PLCE1: variants seen among roughly 807,000 people sequenced by gnomAD.
The protein encoded by PLCE1 is 1-phosphatidylinositol 4,5-bisphosphate phosphodiesterase epsilon-1.
PLCE1 carries 119 observed loss-of-function variants against 242.8 expected under a neutral mutation model. The ratio of observed to expected loss-of-function variants is 0.49; its 90% confidence interval spans 0.42 to 0.57. The LOEUF is 0.57. Among genes scored for constraint, PLCE1 ranks in the 20% least tolerant of loss-of-function variants. The pLI is 0.00. For missense variants in PLCE1, 2,441 were observed against 2,788.8 expected, an observed-to-expected ratio of 0.88 and a Z score of 2.81; for synonymous variants, 945 against 1,017.4, an observed-to-expected ratio of 0.93 and a Z score of 1.35.
intron 2 of PLCE1, among the ~76,000 whole-genome samples, chr10:94,082,494 G>C (rs755652042): frequency 2.6e-5 from 4 of 152,192 alleles, no homozygotes; most frequent in Admixed American, 2.6e-4. Flanking sequence ...CAATCACAGG[G>C]ACAGCGCTTA....
intron 2 of PLCE1, among the ~76,000 whole-genome samples, chr10:94,114,339 G>A (rs1201642939): frequency 6.6e-6 from 1 of 152,166 alleles, no homozygotes; most frequent in Non-Finnish European, 1.5e-5. Context: ...GACAGTAATT[G>A]TGCAGGGGCA....
At chr10:94,111,824 A>C (rs1278292970) in intron 2 of PLCE1, among the ~76,000 whole-genome samples, 1 of 152,202 alleles carries the variant, frequency 6.6e-6, no homozygotes, top group East Asian at 1.9e-4. Flanking sequence ...GGCATTTTAT[A>C]GTGCTTGAAT....
chr10:94,086,027 G>C (rs1036575883), intron 2 of PLCE1, among the ~76,000 whole-genome samples: 1 of 152,196 alleles, frequency 6.6e-6, no homozygotes, highest in East Asian at 1.9e-4. Flanking sequence ...TACAATGCCA[G>C]ATCCTGGGGG....
Position 94,031,295 on chromosome 10 carries a change from T to A in PLCE1, c.249T>A (p.Asp83Glu), listed in dbSNP as rs375835173. The change falls in exon 2 of 33, where the codon GAT (aspartate) becomes GAA (glutamate). Residue 83 changes from aspartate (D) to glutamate (E), a missense_variant. Physicochemically the swap from Asp to Glu is conservative, Grantham distance 45. Around this residue, in one of 5 missense-constraint regions of PLCE1, gnomAD observed 393 missense variants for 378.5 expected, o/e 1.04. Coordinates refer to ENST00000371380, the MANE Select transcript of PLCE1 (RefSeq NM_016341.4). ...TAGCGAGGGAGAAAATAGTGAGTGA[T>A]GAGAACAGTAATGAAAAATGTTGGG... The part of the protein sequence containing the change: ...LSIAREKIVS[D>E]ENSNEKCWEK... 2 of 1,613,724 alleles carry A rather than the reference T, an allele frequency of 1.2e-6. No individual in the cohort carries two copies. Among genetic ancestry groups the A allele is most frequent in the East Asian group, 4.5e-5 (2 of 44,880 alleles).
At chr10:94,125,541 T>A (rs2046414165) in intron 2 of PLCE1, among the ~76,000 whole-genome samples, 1 of 152,116 alleles carries the variant, frequency 6.6e-6, no homozygotes, top group South Asian at 2.1e-4. Flanking sequence ...TACAGACACC[T>A]AGCGCCTTAT....
At chr10:94,103,144 C>T (rs1365828857) in intron 2 of PLCE1, among the ~76,000 whole-genome samples, 1 of 152,194 alleles carries the variant, frequency 6.6e-6, no homozygotes, top group Non-Finnish European at 1.5e-5. Flanking sequence ...GTTTATTAGG[C>T]GCTGACTGTC....
chr10:94,197,871 T>C (rs1269167704), intron 4 of PLCE1, among the ~76,000 whole-genome samples: 1 of 148,520 alleles, frequency 6.7e-6, no homozygotes, highest in African/African-American at 2.5e-5. Flanking sequence ...TCATTCCAGC[T>C]ACGTGGGAGG....
chr10:94,210,232 C>T (rs1589353193), intron 4 of PLCE1, among the ~76,000 whole-genome samples: 1 of 151,122 alleles, frequency 6.6e-6, no homozygotes, highest in Non-Finnish European at 1.5e-5. Flanking sequence ...GTAAGCACTT[C>T]CCAAGTAAAT....
At chr10:94,074,609 G>A (rs769609316) in intron 2 of PLCE1, among the ~76,000 whole-genome samples, 82 of 152,246 alleles carry the variant, frequency 5.4e-4, no homozygotes, top group Middle Eastern at 6.8e-3. Flanking sequence ...ACTGCTTTAT[G>A]AGTATCTTTA....
chr10:94,184,501 T>C (rs908235702), intron 4 of PLCE1, among the ~76,000 whole-genome samples: 1 of 152,146 alleles, frequency 6.6e-6, no homozygotes, highest in Admixed American at 6.5e-5. Flanking sequence ...AGCTAATTTT[T>C]GTATTTTTCG....
chr10:93,998,361 G>A (rs1033691621), intron 1 of PLCE1, among the ~76,000 whole-genome samples: 1 of 152,098 alleles, frequency 6.6e-6, no homozygotes, highest in African/African-American at 2.4e-5. Flanking sequence ...TTGCAGCCAG[G>A]GGGCATGTAT....
chr10:94,114,075 A>G (rs2046039679), intron 2 of PLCE1, among the ~76,000 whole-genome samples: 2 of 152,214 alleles, frequency 1.3e-5, no homozygotes, highest in Non-Finnish European at 2.9e-5. Flanking sequence ...AGAAGTCACA[A>G]TGACCTAGGG....
chr10:94,314,041 T>G (rs1228633373), intron 28 of PLCE1, among the ~76,000 whole-genome samples: 1 of 152,146 alleles, frequency 6.6e-6, no homozygotes, highest in Middle Eastern at 3.2e-3. Context: ...AGTCTCCTTA[T>G]GCTGTGCCAC....
At chr10:93,996,709 G>A (rs189210648) in intron 1 of PLCE1, among the ~76,000 whole-genome samples, 2 of 152,280 alleles carry the variant, frequency 1.3e-5, no homozygotes, top group African/African-American at 4.8e-5. Context: ...ATAGATTTTC[G>A]TGGGCCAGAT....
intron 4 of PLCE1, among the ~76,000 whole-genome samples, chr10:94,179,512 G>GTTTTTTGTTTTTTTTTTTTTTT (rs1554877548): frequency 1.0e-4 from 2 of 19,396 alleles, no homozygotes; most frequent in African/African-American, 3.2e-4. Context: ...TTTTAGTTTA[G>GTTTTTTGTTTTTTTTTTTTTTT]TTTTTTTTTT....
At chr10:94,136,857 G>A (rs998842635) in intron 3 of PLCE1, among the ~76,000 whole-genome samples, 5 of 152,226 alleles carry the variant, frequency 3.3e-5, no homozygotes, top group East Asian at 1.9e-4. Flanking sequence ...AAAATAGAGC[G>A]CCTTTACCTT....
chr10:94,252,180 T>A, intron 8 of PLCE1, 136 bp from the exon 9 acceptor site: 1 of 735,632 alleles, frequency 1.4e-6, no homozygotes, highest in East Asian at 2.6e-5. Flanking sequence ...AAACAGTCAC[T>A]TGGGTGGCCA....
At chr10:94,065,036 A>G (rs1192160504) in intron 2 of PLCE1, among the ~76,000 whole-genome samples, 1 of 152,160 alleles carries the variant, frequency 6.6e-6, no homozygotes, top group Non-Finnish European at 1.5e-5. Flanking sequence ...CTTGCTCCTT[A>G]GGGAAACTAT....
intron 17 of PLCE1, among the ~76,000 whole-genome samples, chr10:94,270,108 C>T (rs1209822134): frequency 6.6e-6 from 1 of 152,022 alleles, no homozygotes; most frequent in Non-Finnish European, 1.5e-5. Flanking sequence ...GTCTTATTGC[C>T]TCAAATAAAT....
Sources: allele counts gnomAD v4.1 joint callset (sites outside exome capture counted in the v4.1 genomes callset), GRCh38; gene constraint gnomAD v4.1.1; regional missense constraint gnomAD v4.1.1; transcripts MANE v1.5; gene names NCBI Gene and HGNC (gene_info 2026-07-23, HGNC 2026-07-21).